DOCK3: variants seen among roughly 807,000 people sequenced by gnomAD.
The protein encoded by DOCK3 is dedicator of cytokinesis protein 3.
In DOCK3, 60 loss-of-function variants were observed where a neutral mutation model predicts 265.6. The ratio of observed to expected loss-of-function variants is 0.23; its 90% CI spans 0.18 to 0.28. The LOEUF is 0.28. Among genes scored for constraint, DOCK3 ranks in the 10% least tolerant of loss-of-function variants. DOCK3 has a pLI of 1.00. For synonymous variants in DOCK3, 881 were observed against 938.0 expected (o/e 0.94, Z 1.11); for missense variants, 1,981 against 2,594.3 (o/e 0.76, Z 5.14).
intron 9 of DOCK3, among the ~76,000 whole-genome samples, chr3:51,128,005 A>G (rs530387548): frequency 1.3e-5 from 2 of 152,286 alleles, no homozygotes; most frequent in South Asian, 2.1e-4. Flanking sequence ...AGTCACCTCA[A>G]CCAACACTGT....
At chr3:51,225,919 C>G in intron 15 of DOCK3, 146 bp downstream of exon 15, 1 of 1,108,952 alleles carries the variant, frequency 9.0e-7, no homozygotes, top group Non-Finnish European at 1.2e-6. Flanking sequence ...TTGAAGAAAA[C>G]TCTAAAGTGT....
intron 5 of DOCK3, among the ~76,000 whole-genome samples, chr3:50,964,554 C>T (rs1002312980): frequency 4.6e-5 from 7 of 151,992 alleles, no homozygotes; most frequent in African/African-American, 1.7e-4. Context: ...AAAGACTTAG[C>T]AATAGAAATT....
In DOCK3 at chr3:50,796,557, C is replaced by T. The variant is rs188954673; in HGVS notation, c.121+17799C>T. On this transcript the variant is annotated intron_variant, in intron 2 of 52. Transcript: ENST00000266037. ...TTCTCCATGTTGGTCAGGCTGGTCT[C>T]GAACTCCCAACTTCAGGTGATTTGC... Among the ~76,000 whole-genome samples, 477 of 152,008 alleles carry T rather than the reference C, an allele frequency of 3.1e-3. 2 individuals are homozygous for T. Among genetic ancestry groups the T allele is most frequent in the Admixed American group, 6.2e-3 (95 of 15,256 alleles).
intron 9 of DOCK3, among the ~76,000 whole-genome samples, chr3:51,095,077 G>A (rs1189012673): frequency 1.3e-5 from 2 of 151,132 alleles, no homozygotes; most frequent in Non-Finnish European, 2.9e-5. Flanking sequence ...CTTTGCATGT[G>A]AGAATGGTCT....
At chr3:51,289,812 A>C (rs1301709481) in intron 27 of DOCK3, among the ~76,000 whole-genome samples, 1 of 152,202 alleles carries the variant, frequency 6.6e-6, no homozygotes, top group Non-Finnish European at 1.5e-5. Context: ...TAATATCCAG[A>C]ATCTACAAAG....
chr3:50,867,478 T>G (rs2675819), intron 3 of DOCK3, among the ~76,000 whole-genome samples: 15,084 of 152,224 alleles, frequency 0.099, 924 homozygotes, highest in Non-Finnish European at 0.13. Context: ...CTGAAAGTGG[T>G]CATCCTTGTA....
intron 3 of DOCK3, among the ~76,000 whole-genome samples, chr3:50,878,400 G>A (rs1287076041): frequency 6.6e-6 from 1 of 152,130 alleles, no homozygotes; most frequent in African/African-American, 2.4e-5. Flanking sequence ...TAGATGGGTG[G>A]CTAACTAGAA....
At chr3:50,992,429 C>A (rs1002558011) in intron 5 of DOCK3, among the ~76,000 whole-genome samples, 1 of 152,168 alleles carries the variant, frequency 6.6e-6, no homozygotes, top group Non-Finnish European at 1.5e-5. Context: ...TCCTGAGTAG[C>A]TGGGACTACA....
At position 50,841,664 on chromosome 3, in the gene DOCK3, C is replaced by G. The variant is rs756023255; in HGVS notation, c.122-11C>G. On this transcript the variant is annotated splice_polypyrimidine_tract_variant and intron_variant, in intron 2 of 52. Transcript: ENST00000266037. ...ATTGTGATTTTAATATTCTCTTATG[C>G]TTTGTTTTAGGTTGGTACAGAGGAG... 71 of 1,329,216 alleles carry G rather than the reference C, an allele frequency of 5.3e-5. No individual in the cohort carries two copies. Among genetic ancestry groups the G allele is most frequent in the Non-Finnish European group, 7.1e-5 (71 of 1,000,970 alleles). The allele number at this position is 1,329,216 out of a possible 1,614,324, so 82.3% of individuals were successfully genotyped here. A position where few individuals can be genotyped will look rare whatever the true frequency, so the allele number is the denominator to read the frequency against.
intron 8 of DOCK3, 68 bp from the exon 9 acceptor site, chr3:51,090,162 C>G: frequency 6.9e-7 from 1 of 1,441,576 alleles, no homozygotes; most frequent in Non-Finnish European, 9.2e-7. Context: ...ATTTAGTTTC[C>G]ACTTTTTAAT....
At chr3:51,287,745 A>T (rs1355216546) in intron 27 of DOCK3, among the ~76,000 whole-genome samples, 1 of 152,204 alleles carries the variant, frequency 6.6e-6, no homozygotes, top group African/African-American at 2.4e-5. Flanking sequence ...TCAACTTAAA[A>T]AAGAACTACC....
intron 4 of DOCK3, among the ~76,000 whole-genome samples, chr3:50,895,364 C>T (rs1393923346): frequency 1.3e-5 from 2 of 150,810 alleles, no homozygotes; most frequent in African/African-American, 2.4e-5. Context: ...AGGTATTAAG[C>T]CCAGCATTCA....
chr3:51,139,533 C>T (rs2107154102), intron 9 of DOCK3, among the ~76,000 whole-genome samples: 1 of 152,256 alleles, frequency 6.6e-6, no homozygotes, highest in Non-Finnish European at 1.5e-5. Flanking sequence ...GAAATGTCCA[C>T]CTTTTTTCAT....
intron 22 of DOCK3, among the ~76,000 whole-genome samples, chr3:51,247,828 T>C (rs2078911799): frequency 6.6e-6 from 1 of 152,116 alleles, no homozygotes; most frequent in South Asian, 2.1e-4. Flanking sequence ...CGAACACAAG[T>C]GTAGGGCAGG....
chr3:51,280,808 C>T (rs939195821), intron 27 of DOCK3, among the ~76,000 whole-genome samples: 1 of 152,088 alleles, frequency 6.6e-6, no homozygotes, highest in South Asian at 2.1e-4. Context: ...GTGAGAGGAT[C>T]GATTGAGCCC....
At chr3:51,294,677 CAAAAAAAAAAA>C (rs59339067) in intron 27 of DOCK3, among the ~76,000 whole-genome samples, 13 of 119,862 alleles carry the variant, frequency 1.1e-4, no homozygotes, top group African/African-American at 3.5e-4. Flanking sequence ...GACTCTATCT[CAAAAAAAAAAA>C]AAAAAAAAAA....
intron 49 of DOCK3, among the ~76,000 whole-genome samples, chr3:51,371,462 C>T (rs2087670867): frequency 6.6e-6 from 1 of 152,188 alleles, no homozygotes; most frequent in African/African-American, 2.4e-5. Context: ...ATCTATCAAG[C>T]ACAGTGTTAG....
intron 3 of DOCK3, among the ~76,000 whole-genome samples, chr3:50,886,474 T>G (rs2048344950): frequency 6.6e-6 from 1 of 151,750 alleles, no homozygotes; most frequent in South Asian, 2.1e-4. Flanking sequence ...TAGTTACATA[T>G]GTATACATGT....
At chr3:50,998,337 A>C (rs190487337) in intron 5 of DOCK3, among the ~76,000 whole-genome samples, 1 of 152,300 alleles carries the variant, frequency 6.6e-6, no homozygotes, top group Admixed American at 6.5e-5. Context: ...CTGCACACCA[A>C]GTATTTGAAT....
Sources: gnomAD v4.1 joint callset for allele counts (sites outside exome capture counted in the v4.1 genomes callset) on GRCh38, gnomAD v4.1.1 for gene constraint, MANE v1.5 for transcripts, NCBI Gene and HGNC (gene_info 2026-07-23, HGNC 2026-07-21) for gene names.